PRKAR1A: variants seen among roughly 807,000 people sequenced by gnomAD.
The protein encoded by PRKAR1A is protein kinase cAMP-dependent type I regulatory subunit alpha, also known as cAMP-dependent protein kinase type I-alpha regulatory subunit.
PRKAR1A carries 3 observed loss-of-function variants against 52.0 expected under a neutral mutation model. That is an observed-to-expected ratio of 0.06 (90% confidence interval 0.03 to 0.15). The LOEUF (loss-of-function observed/expected upper bound fraction) is 0.15, where lower values mean the gene tolerates loss of function less well. Ranked by LOEUF, PRKAR1A falls within the 10% of genes least tolerant of loss-of-function variation. PRKAR1A has a pLI of 1.00. For synonymous variants in PRKAR1A, 188 were observed against 168.4 expected (o/e 1.12, Z -0.90); for missense variants, 240 against 477.4 (o/e 0.50, Z 4.63).
At chr17:68,469,328 C>T in the PRKAR1A span, among the ~76,000 whole-genome samples, 3 of 151,988 alleles carry the variant, frequency 2.0e-5, no homozygotes, top group South Asian at 4.1e-4. Flanking sequence ...TTTCTTCTAC[C>T]CCCAGGAGCT....
At chr17:68,418,619 C>T in the PRKAR1A span, among the ~76,000 whole-genome samples, 1 of 152,134 alleles carries the variant, frequency 6.6e-6, no homozygotes, top group Non-Finnish European at 1.5e-5. Flanking sequence ...ATGGCTTTGC[C>T]CCTATAGACT....
At chr17:68,429,763 A>G in the PRKAR1A span, among the ~76,000 whole-genome samples, 2 of 152,016 alleles carry the variant, frequency 1.3e-5, no homozygotes, top group African/African-American at 4.8e-5. Context: ...TAATTTTTGT[A>G]TTTTTAGTAG....
the PRKAR1A span, among the ~76,000 whole-genome samples, chr17:68,504,316 A>G: frequency 3.4e-5 from 5 of 147,920 alleles, no homozygotes; most frequent in African/African-American, 7.4e-5. Context: ...AAAAAAAAAA[A>G]TTTAGCCAGG....
the PRKAR1A span, among the ~76,000 whole-genome samples, chr17:68,437,234 G>A: frequency 6.6e-6 from 1 of 152,046 alleles, no homozygotes; most frequent in African/African-American, 2.4e-5. Context: ...TTGGAGAAGA[G>A]GAGCTGCCAA....
intron 11 of PRKAR1A, chr17:68,541,036 C>A (rs2086266506): frequency 3.9e-6 from 6 of 1,540,024 alleles, no homozygotes; most frequent in South Asian, 1.2e-5. Flanking sequence ...CCTCCCCCTG[C>A]CCCCCCAATC....
the PRKAR1A span, among the ~76,000 whole-genome samples, chr17:68,435,251 C>A: frequency 6.6e-6 from 1 of 151,430 alleles, no homozygotes; most frequent in East Asian, 1.9e-4. Flanking sequence ...TCTGATTATT[C>A]CAGGCAGAAG....
the PRKAR1A span, chr17:68,420,349 C>T: frequency 5.6e-6 from 9 of 1,614,042 alleles, no homozygotes; most frequent in East Asian, 1.1e-4. Context: ...TTCTTGCAGA[C>T]GTCCTCCAAG....
At chr17:68,456,936 A>G in the PRKAR1A span, among the ~76,000 whole-genome samples, 74 of 152,242 alleles carry the variant, frequency 4.9e-4, no homozygotes, top group Admixed American at 7.8e-4. Flanking sequence ...CCAACTACAG[A>G]GTCCTGGGTC....
At chr17:68,525,711 T>C (rs1364544433) in intron 6 of PRKAR1A, 43 bp from the exon 7 acceptor site, 1 of 1,600,350 alleles carries the variant, frequency 6.2e-7, no homozygotes, top group African/African-American at 1.3e-5. Context: ...TTTAAGTGTT[T>C]GTATCTAGAA....
chr17:68,523,938 C>T, intron 4 of PRKAR1A, 78 bp from the exon 5 acceptor site: 4 of 1,589,566 alleles, frequency 2.5e-6, no homozygotes, highest in Non-Finnish European at 3.5e-6. Context: ...AGTCTGGGGT[C>T]TTTAATTCTA....
chr17:68,436,423 G>A, the PRKAR1A span: 2 of 1,614,072 alleles, frequency 1.2e-6, no homozygotes, highest in Non-Finnish European at 1.7e-6. Context: ...CCTGAAGTCA[G>A]GCTTCCAGGA....
chr17:68,468,609 T>A, the PRKAR1A span, among the ~76,000 whole-genome samples: 1 of 152,216 alleles, frequency 6.6e-6, no homozygotes, highest in Admixed American at 6.5e-5. Flanking sequence ...TGGTACCTAT[T>A]ATGTCCATGA....
chr17:68,530,141 G>A (rs2085929830), intron 10 of PRKAR1A, 136 bp from the exon 11 acceptor site: 3 of 1,482,598 alleles, frequency 2.0e-6, no homozygotes, highest in African/African-American at 1.4e-5. Context: ...GAGGGAAGGT[G>A]TGAGATTTTG....
chr17:68,478,187 C>T, the PRKAR1A span, among the ~76,000 whole-genome samples: 1 of 152,122 alleles, frequency 6.6e-6, no homozygotes, highest in South Asian at 2.1e-4. Flanking sequence ...GGTGTGGTGG[C>T]TCATGCCTGT....
chr17:68,512,769 C>G (rs1218451287), intron 1 of PRKAR1A: 2 of 152,094 alleles, frequency 1.3e-5, no homozygotes, highest in African/African-American at 4.8e-5. Flanking sequence ...GGCTTTGGTG[C>G]GGGGCTCCCC....
At chr17:68,501,006 A>G in the PRKAR1A span, among the ~76,000 whole-genome samples, 1 of 152,346 alleles carries the variant, frequency 6.6e-6, no homozygotes, top group African/African-American at 2.4e-5. Context: ...GGAACATTTA[A>G]CAGCATGACA....
chr17:68,542,845 G>A (rs1452588524), intron 11 of PRKAR1A: 13 of 1,510,278 alleles, frequency 8.6e-6, no homozygotes, highest in Non-Finnish European at 1.2e-5. Flanking sequence ...TCTGAGGGAT[G>A]ATCAGGGAGT....
the PRKAR1A span, among the ~76,000 whole-genome samples, chr17:68,488,345 A>G: frequency 2.6e-5 from 4 of 152,164 alleles, no homozygotes; most frequent in South Asian, 6.2e-4. Flanking sequence ...TCTCTGTCCC[A>G]TATATACAAC....
chr17:68,433,765 T>G, the PRKAR1A span, among the ~76,000 whole-genome samples: 131 of 14,184 alleles, frequency 9.2e-3, 4 homozygotes, highest in African/African-American at 0.024. Context: ...TCATAGTTTT[T>G]TTTTTTTTTT....
Sources: allele counts gnomAD v4.1 joint callset (sites outside exome capture counted in the v4.1 genomes callset), GRCh38; gene constraint gnomAD v4.1.1; transcripts MANE v1.5; gene names NCBI Gene and HGNC (gene_info 2026-07-23, HGNC 2026-07-21).